The following STXBP5L variants were observed in gnomAD, a reference collection of about 807,000 sequenced individuals.
The protein encoded by STXBP5L is syntaxin binding protein 5L.
Under a neutral mutation model 144.5 loss-of-function variants are expected in STXBP5L, and 65 were observed. That is an observed-to-expected ratio of 0.45 (90% CI 0.37 to 0.55). The LOEUF (loss-of-function observed/expected upper bound fraction) is 0.55. Among genes scored for constraint, STXBP5L ranks in the 20% least tolerant of loss-of-function variants. The pLI, the probability that STXBP5L is intolerant of heterozygous loss-of-function variation, is 0.00. For missense variants in STXBP5L, 1,298 were observed against 1,405.5 expected, an observed-to-expected ratio of 0.92 and a Z score of 1.22; for synonymous variants, 505 against 469.6, an observed-to-expected ratio of 1.08 and a Z score of -0.97.
intron 3 of STXBP5L, among the ~76,000 whole-genome samples, chr3:120,998,957 TA>T (rs1434198644): frequency 2.6e-5 from 4 of 152,226 alleles, no homozygotes; most frequent in African/African-American, 9.6e-5. Context: ...GATTTCTGCT[TA>T]ATTTCATTGT....
At chr3:121,070,659 C>T (rs2041768751) in intron 5 of STXBP5L, among the ~76,000 whole-genome samples, 1 of 152,048 alleles carries the variant, frequency 6.6e-6, no homozygotes, top group African/African-American at 2.4e-5. Flanking sequence ...TGCAAAGCCA[C>T]CAAGAACAGA....
At chr3:121,040,963 T>C in intron 3 of STXBP5L, among the ~76,000 whole-genome samples, 1 of 152,094 alleles carries the variant, frequency 6.6e-6, no homozygotes. Flanking sequence ...ATTTGTATCT[T>C]TATGCAAGCA....
At chr3:121,083,665 GA>G (rs149565469) in intron 5 of STXBP5L, among the ~76,000 whole-genome samples, 46,620 of 146,262 alleles carry the variant, frequency 0.32, 7,481 homozygotes, top group Admixed American at 0.44. Flanking sequence ...TCTGTCTCAA[GA>G]AAAAAAAAAA....
rs1260676622 is a variant in STXBP5L at position 121,086,988 on chromosome 3, T to A, written c.471-27937T>A. ...TTTCTTATTTCCAAGTACTTGGAGATTTTATTGTATCTTTCTTTTACTGAT... is the reference window on the plus strand; with the variant it reads ...TTTCTTATTTCCAAGTACTTGGAGAATTTATTGTATCTTTCTTTTACTGAT... On this transcript the variant is annotated intron_variant, in intron 5 of 26. Coordinates refer to ENST00000471454, the MANE Select transcript of STXBP5L (RefSeq NM_001308330.2). Among the ~76,000 whole-genome samples the A allele has an allele frequency of 2.6e-5, 4 of 152,168 alleles. No homozygotes were observed. The East Asian group carries it at 7.7e-4, about 29-fold the overall frequency.
chr3:121,278,869 G>T (rs1369984998), intron 18 of STXBP5L, among the ~76,000 whole-genome samples: 1 of 151,368 alleles, frequency 6.6e-6, no homozygotes, highest in African/African-American at 2.4e-5. Context: ...AAGATGTAGA[G>T]CTCTATGTGA....
chr3:121,336,610 A>T (rs149187959), intron 20 of STXBP5L, among the ~76,000 whole-genome samples: 1 of 152,256 alleles, frequency 6.6e-6, no homozygotes, highest in Non-Finnish European at 1.5e-5. Context: ...AAAAAATAAC[A>T]GATGCTGCAA....
At chr3:121,126,375 G>C (rs1368253053) in intron 7 of STXBP5L, among the ~76,000 whole-genome samples, 2 of 152,128 alleles carry the variant, frequency 1.3e-5, no homozygotes, top group Admixed American at 1.3e-4. Flanking sequence ...TAAAAAGTTT[G>C]CCAACTCCTG....
At chr3:121,006,603 C>G (rs1285980231) in intron 3 of STXBP5L, among the ~76,000 whole-genome samples, 1 of 152,118 alleles carries the variant, frequency 6.6e-6, no homozygotes, top group Non-Finnish European at 1.5e-5. Flanking sequence ...ATGATGTTAG[C>G]TGGTTATTTT....
chr3:120,964,155 TTC>T (rs1354511799), intron 3 of STXBP5L, among the ~76,000 whole-genome samples: 10 of 152,328 alleles, frequency 6.6e-5, no homozygotes, highest in South Asian at 6.2e-4. Context: ...TATTTGATTC[TTC>T]TCTCTTTTCT....
intron 9 of STXBP5L, among the ~76,000 whole-genome samples, chr3:121,184,560 C>T (rs1047251771): frequency 1.3e-5 from 2 of 151,932 alleles, no homozygotes; most frequent in African/African-American, 4.8e-5. Context: ...AAATACGGGA[C>T]TGTGTGAAAA....
chr3:121,384,596 T>G (rs1231959019), intron 22 of STXBP5L, among the ~76,000 whole-genome samples: 1 of 152,048 alleles, frequency 6.6e-6, no homozygotes, highest in Non-Finnish European at 1.5e-5. Context: ...GTAGATAGAA[T>G]GATACTAAAT....
At chr3:121,099,963 A>G (rs1370173410) in intron 5 of STXBP5L, among the ~76,000 whole-genome samples, 1 of 152,200 alleles carries the variant, frequency 6.6e-6, no homozygotes, top group Admixed American at 6.6e-5. Context: ...CATATCAGAT[A>G]AAACAGACTT....
intron 7 of STXBP5L, among the ~76,000 whole-genome samples, chr3:121,141,841 C>T (rs969936098): frequency 6.6e-6 from 1 of 151,844 alleles, no homozygotes; most frequent in Non-Finnish European, 1.5e-5. Flanking sequence ...GAGGAAAGGA[C>T]AGACAAAAGG....
chr3:121,251,096 C>T (rs960872641), intron 15 of STXBP5L, among the ~76,000 whole-genome samples: 4 of 152,158 alleles, frequency 2.6e-5, no homozygotes, highest in Non-Finnish European at 5.9e-5. Flanking sequence ...CCTGTGTGGT[C>T]TTCGCCAAGT....
chr3:121,318,435 C>T (rs371489055), intron 19 of STXBP5L, 40 bp from the exon 20 acceptor site: 208 of 1,483,266 alleles, frequency 1.4e-4, no homozygotes, highest in Non-Finnish European at 3.8e-5. Flanking sequence ...CTACAAAATG[C>T]TAGCAAAATT....
At chr3:121,415,266 T>C (rs2047206660) in intron 24 of STXBP5L, among the ~76,000 whole-genome samples, 1 of 152,226 alleles carries the variant, frequency 6.6e-6, no homozygotes, top group Non-Finnish European at 1.5e-5. Context: ...ATTTCATATA[T>C]GTGGAATGCA....
intron 24 of STXBP5L, among the ~76,000 whole-genome samples, chr3:121,413,825 G>A (rs1181770656): frequency 6.6e-6 from 1 of 152,064 alleles, no homozygotes; most frequent in Non-Finnish European, 1.5e-5. Context: ...CTGTAAGAAT[G>A]GTCACAACAT....
At chr3:121,173,323 T>TATAATAATA (rs35583909) in intron 9 of STXBP5L, among the ~76,000 whole-genome samples, 11,572 of 146,440 alleles carry the variant, frequency 0.079, 546 homozygotes, top group Non-Finnish European at 0.1. Context: ...GAACTTAAAA[T>TATAATAATA]ATAATAATAA....
chr3:121,157,861 C>A, intron 9 of STXBP5L: 1 of 454,746 alleles, frequency 2.2e-6, no homozygotes, highest in South Asian at 3.0e-5. Flanking sequence ...ATGTACTGTC[C>A]CAACCAAAAA....
Sources: allele counts gnomAD v4.1 joint callset (sites outside exome capture counted in the v4.1 genomes callset), GRCh38; gene constraint gnomAD v4.1.1; transcripts MANE v1.5; gene names NCBI Gene and HGNC (gene_info 2026-07-23, HGNC 2026-07-21).